The following SH3BGRL2 variants were observed in gnomAD, a reference collection of about 807,000 sequenced individuals.
SH3BGRL2 encodes the protein SH3 domain-binding glutamic acid-rich-like protein 2.
SH3BGRL2 carries 21 observed loss-of-function variants against 14.8 expected under a neutral mutation model. The ratio of observed to expected loss-of-function variants is 1.42; its 90% CI spans 1.01 to 2.05. The LOEUF (loss-of-function observed/expected upper bound fraction) is 2.05, where lower values mean the gene tolerates loss of function less well. SH3BGRL2 is among the 30% of genes most tolerant of loss of function. The pLI is 0.00. For missense variants in SH3BGRL2, 147 were observed against 130.8 expected (o/e 1.12, Z -0.61); for synonymous variants, 50 against 47.8 (o/e 1.05, Z -0.19).
chr6:79,631,415 G>C lies in SH3BGRL2; in HGVS notation c.-47G>C, dbSNP rs1229528441. 6.7e-7 allele frequency: 1 copy of C among 1,489,878 alleles called. No homozygotes were observed. The highest frequency in any genetic ancestry group is 2.3e-5 in the Admixed American group (1 of 44,110). 92.3% of individuals were successfully genotyped at this position (1,489,878 alleles called of 1,614,324 possible). On this transcript the variant is annotated 5_prime_UTR_variant, in exon 1 of 4. Transcript: ENST00000369838. ...TGGGTTCAGCTCTGCGTCCACGCCA[G>C]CCCGGAGCCCGGGGGGCAAGGGGTC...
At chr6:79,621,766 C>T in the SH3BGRL2 span, among the ~76,000 whole-genome samples, 37 of 152,264 alleles carry the variant, frequency 2.4e-4, no homozygotes, top group South Asian at 6.8e-3. Context: ...TCTTGATATA[C>T]ACTTTCTAAG....
chr6:79,551,934 A>T, the SH3BGRL2 span, among the ~76,000 whole-genome samples: 2 of 152,116 alleles, frequency 1.3e-5, no homozygotes, highest in East Asian at 3.9e-4. Context: ...TACGAAAAAT[A>T]CCAAAAATTA....
chr6:79,538,018 G>GTTTTTTTTTTTTTTTTTTTTTTTT, the SH3BGRL2 span, among the ~76,000 whole-genome samples: 3 of 44,164 alleles, frequency 6.8e-5, 1 homozygote, highest in Non-Finnish European at 4.2e-5. Context: ...TTGCACACAA[G>GTTTTTTTTTTTTTTTTTTTTTTTT]TTTTTTTTTT....
At chr6:79,583,658 C>T in the SH3BGRL2 span, among the ~76,000 whole-genome samples, 2 of 152,126 alleles carry the variant, frequency 1.3e-5, no homozygotes, top group African/African-American at 4.8e-5. Flanking sequence ...GGAGGGGTAG[C>T]ATTAGGAGAA....
chr6:79,549,560 A>G, the SH3BGRL2 span, among the ~76,000 whole-genome samples: 1 of 152,208 alleles, frequency 6.6e-6, no homozygotes, highest in Admixed American at 6.5e-5. Context: ...TACAGTATTC[A>G]GTATAGTAAC....
intron 1 of SH3BGRL2, among the ~76,000 whole-genome samples, chr6:79,647,520 A>G (rs1191309634): frequency 6.6e-6 from 1 of 152,144 alleles, no homozygotes; most frequent in Non-Finnish European, 1.5e-5. Flanking sequence ...CAGAATGAGT[A>G]TATGGCATGA....
intron 1 of SH3BGRL2, among the ~76,000 whole-genome samples, chr6:79,636,267 TC>T (rs1768920006): frequency 2.6e-5 from 4 of 152,122 alleles, no homozygotes; most frequent in Admixed American, 2.0e-4. Context: ...TAGAAGTTCT[TC>T]CTGTGGGCTC....
the SH3BGRL2 span, among the ~76,000 whole-genome samples, chr6:79,577,378 G>A: frequency 6.6e-6 from 1 of 152,032 alleles, no homozygotes; most frequent in African/African-American, 2.4e-5. Flanking sequence ...AAAGTATAAA[G>A]GGTTAAAACC....
chr6:79,628,873 CT>C, upstream of SH3BGRL2, among the ~76,000 whole-genome samples: 1 of 152,184 alleles, frequency 6.6e-6, no homozygotes, highest in African/African-American at 2.4e-5. Context: ...GAAACAAAAC[CT>C]ATTTCAGGTG....
intron 1 of SH3BGRL2, among the ~76,000 whole-genome samples, chr6:79,637,816 C>G (rs535817537): frequency 6.6e-6 from 1 of 152,144 alleles, no homozygotes; most frequent in African/African-American, 2.4e-5. Flanking sequence ...TCTCATTGAC[C>G]CAGTTATTCA....
chr6:79,540,469 T>C, the SH3BGRL2 span, among the ~76,000 whole-genome samples: 1 of 151,882 alleles, frequency 6.6e-6, no homozygotes, highest in Non-Finnish European at 1.5e-5. Flanking sequence ...AATAAATAAA[T>C]AGTATAATTT....
the SH3BGRL2 span, among the ~76,000 whole-genome samples, chr6:79,571,189 A>G: frequency 6.6e-6 from 1 of 152,200 alleles, no homozygotes; most frequent in Non-Finnish European, 1.5e-5. Context: ...GAGTTTCTAC[A>G]AGGCAGTGTG....
chr6:79,636,658 G>T (rs555644863), intron 1 of SH3BGRL2, among the ~76,000 whole-genome samples: 13 of 152,312 alleles, frequency 8.5e-5, no homozygotes, highest in East Asian at 5.8e-4. Flanking sequence ...AGTTGGTGGG[G>T]TTGCTTCCTT....
the SH3BGRL2 span, among the ~76,000 whole-genome samples, chr6:79,610,249 C>T: frequency 6.6e-6 from 1 of 152,210 alleles, no homozygotes; most frequent in African/African-American, 2.4e-5. Flanking sequence ...TATAACCTTG[C>T]ATAGTCTCTT....
the SH3BGRL2 span, among the ~76,000 whole-genome samples, chr6:79,594,924 A>G: frequency 2.0e-5 from 3 of 152,354 alleles, no homozygotes; most frequent in Admixed American, 2.0e-4. Flanking sequence ...GAAGGATTTC[A>G]TAAACAGATC....
the SH3BGRL2 span, among the ~76,000 whole-genome samples, chr6:79,612,892 T>C: frequency 6.6e-6 from 1 of 152,226 alleles, no homozygotes; most frequent in Non-Finnish European, 1.5e-5. Context: ...ATTGATTTAA[T>C]GAATTCAGCA....
At chr6:79,687,338 GT>G (rs574427688) in intron 2 of SH3BGRL2, among the ~76,000 whole-genome samples, 2 of 152,034 alleles carry the variant, frequency 1.3e-5, no homozygotes, top group South Asian at 2.1e-4. Flanking sequence ...CCTGTTCCTA[GT>G]TTTTTTTCTC....
intron 3 of SH3BGRL2, among the ~76,000 whole-genome samples, chr6:79,697,818 G>A (rs1582743135): frequency 1.3e-5 from 2 of 152,154 alleles, no homozygotes; most frequent in East Asian, 3.8e-4. Context: ...GAAAAAACTA[G>A]GATGGAGTAG....
the SH3BGRL2 span, among the ~76,000 whole-genome samples, chr6:79,582,208 G>C: frequency 6.6e-6 from 1 of 152,190 alleles, no homozygotes; most frequent in South Asian, 2.1e-4. Flanking sequence ...TGGCCATACT[G>C]CCCAAAGTAA....
Sources: gnomAD v4.1 joint callset for allele counts (sites outside exome capture counted in the v4.1 genomes callset) on GRCh38, gnomAD v4.1.1 for gene constraint, MANE v1.5 for transcripts, NCBI Gene and HGNC (gene_info 2026-07-23, HGNC 2026-07-21) for gene names.